The following ESF1 variants were observed in gnomAD, a reference collection of about 807,000 sequenced individuals.
The protein encoded by ESF1 is ESF1 homolog.
Under a neutral mutation model 92.0 loss-of-function variants are expected in ESF1, and 58 were observed. The ratio of observed to expected loss-of-function variants is 0.63; its 90% confidence interval spans 0.51 to 0.78. ESF1 has a LOEUF of 0.78. Among genes scored for constraint, ESF1 ranks in the 30% least tolerant of loss-of-function variants. The pLI is 0.00. For synonymous variants in ESF1, 321 were observed against 313.7 expected (o/e 1.02, Z -0.24); for missense variants, 922 against 989.1 (o/e 0.93, Z 0.91).
intron 9 of ESF1, among the ~76,000 whole-genome samples, chr20:13,747,605 A>G (rs904494137): frequency 7.3e-5 from 11 of 151,612 alleles, no homozygotes; most frequent in South Asian, 2.1e-4. Context: ...AAAAAAAAAA[A>G]AGAGAGAGAA....
At chr20:13,772,757 G>A (rs1979749487) in intron 4 of ESF1, 142 bp from the exon 5 acceptor site, 6 of 586,624 alleles carry the variant, frequency 1.0e-5, no homozygotes, top group East Asian at 2.8e-5. Flanking sequence ...TCCACTATAG[G>A]AAGCTAGAGC....
chr20:13,720,400 G>A (rs528432079), intron 11 of ESF1, among the ~76,000 whole-genome samples: 49 of 152,236 alleles, frequency 3.2e-4, no homozygotes, highest in African/African-American at 1.1e-3. Flanking sequence ...TATGCCCCTA[G>A]ATGTGATATA....
chr20:13,731,788 C>T (rs370691150), intron 10 of ESF1, among the ~76,000 whole-genome samples: 42 of 152,174 alleles, frequency 2.8e-4, no homozygotes, highest in African/African-American at 9.2e-4. Flanking sequence ...AGACCTTCCC[C>T]AGAGAGGGTC....
At chr20:13,729,219 C>A (rs935226658) in intron 10 of ESF1, among the ~76,000 whole-genome samples, 1 of 152,218 alleles carries the variant, frequency 6.6e-6, no homozygotes, top group Non-Finnish European at 1.5e-5. Context: ...GATGGCGCAA[C>A]TGCACTCCAG....
At chr20:13,715,273 T>C (rs2049816841) in intron 13 of ESF1, 106 bp from the exon 14 acceptor site, 1 of 1,100,274 alleles carries the variant, frequency 9.1e-7, no homozygotes, top group African/African-American at 1.6e-5. Context: ...GTTGATTATA[T>C]AAAATACAAA....
rs911721104 is a variant in ESF1, at chr20:13,760,123, T to C, written c.1667-270A>G. Among the ~76,000 whole-genome samples the C allele has an allele frequency of 2.0e-5, 3 of 152,256 alleles. No individual in the cohort carries two copies. The South Asian group carries it at 6.2e-4, about 32-fold the overall frequency. ...ATAATAATTCTGCAGTTACATAACA[T>C]CTTTGGGCTTCTTTTTCCTATAAGC... On this transcript the variant is annotated intron_variant, in intron 8 of 13. Transcript: ENST00000617257.
intron 10 of ESF1, among the ~76,000 whole-genome samples, chr20:13,733,405 C>T (rs1050186740): frequency 6.6e-6 from 1 of 152,192 alleles, no homozygotes; most frequent in Non-Finnish European, 1.5e-5. Flanking sequence ...CTCTTTTGCT[C>T]AGAAACACAG....
intron 2 of ESF1, among the ~76,000 whole-genome samples, chr20:13,780,325 A>G (rs965640586): frequency 6.6e-6 from 1 of 152,250 alleles, no homozygotes. Context: ...TAGCTATGTT[A>G]TATTAATTCA....
At chr20:13,781,465 T>C (rs990831683) in intron 2 of ESF1, among the ~76,000 whole-genome samples, 2 of 152,222 alleles carry the variant, frequency 1.3e-5, no homozygotes, top group Non-Finnish European at 2.9e-5. Flanking sequence ...TACTAGACAA[T>C]GTTGCTTTAG....
chr20:13,776,970 T>C (rs16994138), intron 2 of ESF1, among the ~76,000 whole-genome samples: 11,083 of 152,146 alleles, frequency 0.073, 437 homozygotes, highest in Non-Finnish European at 0.087. Context: ...CAAAAAACCA[T>C]ATAGAGAGCT....
At position 13,748,709 on chromosome 20, in the gene ESF1, C is replaced by T. The variant is rs957664997; in HGVS notation, c.1828+10983G>A. Among the ~76,000 whole-genome samples, 38 of 150,586 alleles carry T rather than the reference C, an allele frequency of 2.5e-4. No homozygotes were observed. The East Asian group carries it at 6.7e-3, about 27-fold the overall frequency. On this transcript the variant is annotated intron_variant, in intron 9 of 13. Transcript: ENST00000617257. ...TCACGCCATTCTGCTGCCTCAGCCT[C>T]CTGAGTAGCTGGGACTACAGGCACC...
intron 11 of ESF1, among the ~76,000 whole-genome samples, chr20:13,721,036 T>C (rs1057494148): frequency 7.9e-5 from 12 of 152,050 alleles, no homozygotes; most frequent in African/African-American, 2.9e-4. Flanking sequence ...GGCGGGAGAA[T>C]TGCTTGAATC....
intron 10 of ESF1, among the ~76,000 whole-genome samples, 175 bp from the exon 11 acceptor site, chr20:13,728,640 G>A (rs1007205934): frequency 5.3e-5 from 8 of 152,204 alleles, no homozygotes; most frequent in African/African-American, 1.4e-4. Context: ...GCCAAGGCGG[G>A]TGGATCACGA....
intron 8 of ESF1, among the ~76,000 whole-genome samples, chr20:13,760,679 G>A (rs1353104966): frequency 6.7e-6 from 1 of 149,662 alleles, no homozygotes. Flanking sequence ...GTCAGCCCCT[G>A]CCAGGCCAGC....
chr20:13,728,077 C>G (rs2049913817), intron 11 of ESF1, among the ~76,000 whole-genome samples: 1 of 152,130 alleles, frequency 6.6e-6, no homozygotes, highest in Non-Finnish European at 1.5e-5. Flanking sequence ...TCCTCTCATT[C>G]TTTTATAGAG....
At chr20:13,746,701 A>G (rs1012642887) in intron 9 of ESF1, among the ~76,000 whole-genome samples, 2 of 152,220 alleles carry the variant, frequency 1.3e-5, no homozygotes, top group Admixed American at 6.5e-5. Context: ...GCTGGGGTAC[A>G]ACCTAAACAG....
chr20:13,736,869 C>T (rs78840625), intron 9 of ESF1, among the ~76,000 whole-genome samples: 1 of 151,648 alleles, frequency 6.6e-6, no homozygotes, highest in Non-Finnish European at 1.5e-5. Flanking sequence ...TTTTGCCTGG[C>T]TCTCACTTAA....
At chr20:13,754,076 A>G (rs552240197) in intron 9 of ESF1, among the ~76,000 whole-genome samples, 1 of 152,264 alleles carries the variant, frequency 6.6e-6, no homozygotes, top group African/African-American at 2.4e-5. Flanking sequence ...CAAATATTTT[A>G]GAAAAAGAGT....
intron 9 of ESF1, among the ~76,000 whole-genome samples, chr20:13,750,788 G>A (rs1486261005): frequency 6.6e-6 from 1 of 152,114 alleles, no homozygotes; most frequent in Non-Finnish European, 1.5e-5. Flanking sequence ...AAGCCAGCCT[G>A]AGCAATGTAG....
Sources: allele counts gnomAD v4.1 joint callset (sites outside exome capture counted in the v4.1 genomes callset), GRCh38; gene constraint gnomAD v4.1.1; transcripts MANE v1.5; gene names NCBI Gene and HGNC (gene_info 2026-07-23, HGNC 2026-07-21).